The following NRXN1 variants were observed in gnomAD, a reference collection of about 807,000 sequenced individuals.
NRXN1 encodes neurexin-1.
NRXN1 carries 39 observed loss-of-function variants against 150.9 expected under a neutral mutation model. That is an observed-to-expected ratio of 0.26 (90% confidence interval 0.20 to 0.34). NRXN1 has a LOEUF of 0.34. Among genes scored for constraint, NRXN1 ranks in the 10% least tolerant of loss-of-function variants. NRXN1 has a pLI of 1.00. For synonymous variants in NRXN1, 924 were observed against 757.0 expected (o/e 1.22, Z -3.62); for missense variants, 1,815 against 1,949.9 (o/e 0.93, Z 1.30).
At chr2:50,732,341 T>C (rs898472172) in intron 5 of NRXN1, among the ~76,000 whole-genome samples, 7 of 152,046 alleles carry the variant, frequency 4.6e-5, no homozygotes, top group Non-Finnish European at 1.5e-5. Context: ...CAGCCAACAA[T>C]TGAGAATCAT....
intron 5 of NRXN1, among the ~76,000 whole-genome samples, chr2:50,625,882 T>C (rs562172776): frequency 6.6e-6 from 1 of 152,122 alleles, no homozygotes; most frequent in South Asian, 2.1e-4. Flanking sequence ...GCCTAATTAA[T>C]GTGATAAATG....
intron 17 of NRXN1, among the ~76,000 whole-genome samples, chr2:50,356,602 A>G (rs921769002): frequency 1.3e-5 from 2 of 152,184 alleles, no homozygotes; most frequent in African/African-American, 4.8e-5. Context: ...AGTAGATCCA[A>G]AGACCTCTGT....
chr2:50,362,352 T>C (rs191638455), intron 17 of NRXN1, among the ~76,000 whole-genome samples: 12 of 152,294 alleles, frequency 7.9e-5, no homozygotes, highest in African/African-American at 2.6e-4. Context: ...AAAATCCCAT[T>C]GTCTCAGACC....
At position 50,771,207 on chromosome 2, in the gene NRXN1, T is replaced by A. The variant is rs541530322; in HGVS notation, c.833-147592A>T. 5.3e-5 allele frequency among the ~76,000 whole-genome samples: 8 copies of A among 152,126 alleles called. No homozygotes were observed. In the South Asian group the frequency reaches 1.7e-3, roughly 32 times the overall value. ...AAACAACTAATGTCAGAACAAGAAA[T>A]CTTATGATCATCATTTGACCTCTAC... On this transcript the variant is annotated intron_variant, in intron 5 of 22. Transcript: ENST00000401669.
chr2:50,485,912 C>T (rs1258957352), intron 15 of NRXN1, among the ~76,000 whole-genome samples: 1 of 152,144 alleles, frequency 6.6e-6, no homozygotes, highest in East Asian at 1.9e-4. Context: ...CCGAACTTGC[C>T]CTTTGCCCTA....
At chr2:50,149,032 C>T (rs1228619846) in intron 18 of NRXN1, among the ~76,000 whole-genome samples, 1 of 151,690 alleles carries the variant, frequency 6.6e-6, no homozygotes, top group African/African-American at 2.4e-5. Context: ...AAGAGCATAG[C>T]ATAAAGTAGT....
intron 21 of NRXN1, among the ~76,000 whole-genome samples, chr2:50,041,707 C>G (rs544617149): frequency 6.6e-6 from 1 of 152,290 alleles, no homozygotes; most frequent in South Asian, 2.1e-4. Flanking sequence ...AAAACAATAA[C>G]AAAGGTGACT....
chr2:50,317,441 G>A (rs960077048), intron 17 of NRXN1, among the ~76,000 whole-genome samples: 5 of 151,820 alleles, frequency 3.3e-5, no homozygotes, highest in Non-Finnish European at 7.4e-5. Flanking sequence ...CACTTACAAT[G>A]GAAGCTAGAG....
chr2:50,090,131 G>A (rs978740217), intron 19 of NRXN1, among the ~76,000 whole-genome samples: 2 of 152,126 alleles, frequency 1.3e-5, no homozygotes, highest in African/African-American at 2.4e-5. Flanking sequence ...GCAAATATTG[G>A]CAGAGTACTA....
At chr2:50,164,315 C>A (rs954467843) in intron 18 of NRXN1, among the ~76,000 whole-genome samples, 1 of 152,110 alleles carries the variant, frequency 6.6e-6, no homozygotes, top group Non-Finnish European at 1.5e-5. Flanking sequence ...TTGACACAAC[C>A]TGGAGGAATT....
intron 1 of NRXN1, among the ~76,000 whole-genome samples, chr2:51,030,215 C>G (rs1450535301): frequency 6.6e-6 from 1 of 152,046 alleles, no homozygotes; most frequent in Non-Finnish European, 1.5e-5. Flanking sequence ...ATTTTTCTCA[C>G]TATTTCTTAT....
intron 5 of NRXN1, among the ~76,000 whole-genome samples, chr2:50,698,210 A>G (rs1693210413): frequency 6.6e-6 from 1 of 152,246 alleles, no homozygotes; most frequent in Non-Finnish European, 1.5e-5. Flanking sequence ...CGTTGACAGT[A>G]TAAGACAGAA....
chr2:50,326,396 G>C (rs143418044), intron 17 of NRXN1, among the ~76,000 whole-genome samples: 163 of 152,238 alleles, frequency 1.1e-3, no homozygotes, highest in African/African-American at 3.7e-3. Context: ...GACAGCAAAA[G>C]ACTTAGCCCA....
At chr2:50,638,185 A>T (rs985479821) in intron 5 of NRXN1, among the ~76,000 whole-genome samples, 2 of 152,178 alleles carry the variant, frequency 1.3e-5, no homozygotes, top group Non-Finnish European at 2.9e-5. Flanking sequence ...ATCACCTGGA[A>T]AACTTTCTAC....
intron 17 of NRXN1, among the ~76,000 whole-genome samples, chr2:50,379,154 A>T (rs2080754764): frequency 6.6e-6 from 1 of 152,176 alleles, no homozygotes; most frequent in African/African-American, 2.4e-5. Context: ...AGAGAAAGGC[A>T]TTATTCAGAG....
chr2:50,370,779 G>A (rs557815269), intron 17 of NRXN1, among the ~76,000 whole-genome samples: 19 of 152,014 alleles, frequency 1.2e-4, no homozygotes, highest in Admixed American at 1.1e-3. Context: ...TTGCTTTAGC[G>A]AACACGAATT....
chr2:50,577,850 T>G (rs1671672350), intron 8 of NRXN1, among the ~76,000 whole-genome samples: 1 of 152,094 alleles, frequency 6.6e-6, no homozygotes. Flanking sequence ...AATAAATTGT[T>G]AAAACAGTTA....
chr2:50,815,496 T>G (rs936592863), intron 5 of NRXN1, among the ~76,000 whole-genome samples: 38 of 152,198 alleles, frequency 2.5e-4, no homozygotes, highest in African/African-American at 8.9e-4. Context: ...TAAGTCTCTT[T>G]GCTATTTAAG....
intron 18 of NRXN1, among the ~76,000 whole-genome samples, chr2:50,224,318 A>G (rs1430404709): frequency 6.6e-6 from 1 of 151,976 alleles, no homozygotes; most frequent in African/African-American, 2.4e-5. Context: ...TTTATTTATA[A>G]TGCAGTCTGC....
Sources: allele counts gnomAD v4.1 joint callset (sites outside exome capture counted in the v4.1 genomes callset), GRCh38; gene constraint gnomAD v4.1.1; transcripts MANE v1.5; gene names NCBI Gene and HGNC (gene_info 2026-07-23, HGNC 2026-07-21).